Variants in TGM2 observed in about 807,000 individuals in gnomAD.
TGM2 encodes transglutaminase 2, also known as protein-glutamine gamma-glutamyltransferase 2.
TGM2 carries 53 observed loss-of-function variants against 75.6 expected under a neutral mutation model. The observed-to-expected ratio is 0.70, with a 90% CI of 0.56 to 0.88. TGM2 has a LOEUF of 0.88. TGM2 is among the 40% of genes least tolerant of loss of function. The pLI, the probability that TGM2 is intolerant of heterozygous loss-of-function variation, is 0.00. For missense variants in TGM2, 842 were observed against 928.5 expected, an observed-to-expected ratio of 0.91 and a Z score of 1.21; for synonymous variants, 374 against 381.1, an observed-to-expected ratio of 0.98 and a Z score of 0.22.
chr20:38,159,522 AAAAGAAAG>A (rs147642217), intron 2 of TGM2, among the ~76,000 whole-genome samples: 1 of 151,182 alleles, frequency 6.6e-6, no homozygotes, highest in Non-Finnish European at 1.5e-5. Context: ...AAAGTTTTAA[AAAAGAAAG>A]AAAGAAAGAA....
rs1353970893 is a variant in TGM2, at chr20:38,132,201, G to T, written c.1776+139C>A. ...CTTCATGATGCTTTTCTTCGATGAG[G>T]CTAGGATTTGAGGATCGCTAAGGCA... On this transcript the variant is annotated intron_variant, in intron 11 of 12. Coordinates refer to ENST00000361475, the MANE Select transcript of TGM2 (RefSeq NM_004613.4). 20 of 928,246 alleles carry T rather than the reference G, an allele frequency of 2.2e-5. 2 individuals are homozygous for T. In the South Asian group the frequency reaches 2.7e-4, roughly 12 times the overall value. 57.5% of individuals were successfully genotyped at this position (928,246 alleles called of 1,614,324 possible).
chr20:38,159,350 C>A (rs1375740815), intron 2 of TGM2, among the ~76,000 whole-genome samples: 1 of 151,936 alleles, frequency 6.6e-6, no homozygotes, highest in Non-Finnish European at 1.5e-5. Flanking sequence ...CACACTGGGG[C>A]CTCCTTGAGG....
chr20:38,147,091 G>C (rs961131856), intron 5 of TGM2, among the ~76,000 whole-genome samples, 197 bp from the exon 6 acceptor site: 5 of 152,092 alleles, frequency 3.3e-5, no homozygotes, highest in African/African-American at 1.2e-4. Context: ...GGGACAGGAG[G>C]GAGATGGGGA....
intron 4 of TGM2, among the ~76,000 whole-genome samples, chr20:38,150,010 T>C (rs568832042): frequency 6.6e-6 from 1 of 152,308 alleles, no homozygotes; most frequent in East Asian, 1.9e-4. Flanking sequence ...ACCCAGAGGC[T>C]GCTGGGGGAA....
intron 10 of TGM2, among the ~76,000 whole-genome samples, chr20:38,136,166 G>A (rs965759380): frequency 6.6e-6 from 1 of 152,180 alleles, no homozygotes; most frequent in Non-Finnish European, 1.5e-5. Context: ...TGTGCCCAGG[G>A]CGTGCAGCTC....
At chr20:38,138,591 C>G (rs2074930404) in intron 9 of TGM2, among the ~76,000 whole-genome samples, 1 of 152,078 alleles carries the variant, frequency 6.6e-6, no homozygotes, top group East Asian at 1.9e-4. Flanking sequence ...GACTCAACCC[C>G]AAATGACCCC....
At chr20:38,165,890 T>C (rs1047295618), upstream of TGM2, among the ~76,000 whole-genome samples, 45 of 151,686 alleles carry the variant, frequency 3.0e-4, no homozygotes, top group Non-Finnish European at 5.2e-4. Context: ...CACCAGGACA[T>C]AGATACAGCC....
chr20:38,157,780 C>T (rs1346624312), intron 2 of TGM2, among the ~76,000 whole-genome samples: 2 of 152,136 alleles, frequency 1.3e-5, no homozygotes, highest in Non-Finnish European at 1.5e-5. Context: ...TAGAGGGTTC[C>T]GTGAGAGAGT....
At chr20:38,161,327 G>T in intron 2 of TGM2, 93 bp downstream of exon 2, 1 of 1,493,378 alleles carries the variant, frequency 6.7e-7, no homozygotes, top group Non-Finnish European at 9.2e-7. Context: ...AAAGTTATTT[G>T]TCCTGTTCTC....
rs1303320449 is a variant in TGM2, at chr20:38,146,649, A to T, written c.859+68T>A. 5.0e-6 allele frequency: 8 copies of T among 1,587,848 alleles called. No individual in the cohort carries two copies. The African/African-American group carries it at 5.4e-5, about 11-fold the overall frequency. ...GCAGGACCAGGGCAGGGATGTCCTG[A>T]TTCCTACTCCAGTGCTCTTCGTGCC... On this transcript the variant is annotated intron_variant, in intron 6 of 12. Transcript: ENST00000361475.
chr20:38,148,676 C>A (rs1261034843), intron 4 of TGM2, among the ~76,000 whole-genome samples: 2 of 150,802 alleles, frequency 1.3e-5, no homozygotes, highest in African/African-American at 2.4e-5. Context: ...CTCCCATCCC[C>A]TTTTTGACCT....
Position 38,130,774 on chromosome 20 carries a change from T to G in TGM2, c.1913+319A>C, listed in dbSNP as rs567141525. Among the ~76,000 whole-genome samples, 26 of 152,338 alleles carry G rather than the reference T, an allele frequency of 1.7e-4. No homozygotes were observed. The South Asian group carries it at 4.6e-3, about 27-fold the overall frequency. On this transcript the variant is annotated intron_variant, in intron 12 of 12. Coordinates refer to ENST00000361475, the MANE Select transcript of TGM2 (RefSeq NM_004613.4). Reference sequence around the variant, plus strand: ...GTGGAAACACCCACGCATGCATATGTGTGTGCATGCTCATGTGTGGACATT... The same window carrying G: ...GTGGAAACACCCACGCATGCATATGGGTGTGCATGCTCATGTGTGGACATT...
chr20:38,136,615 C>T (rs1042807947), intron 10 of TGM2, among the ~76,000 whole-genome samples: 5 of 152,184 alleles, frequency 3.3e-5, no homozygotes, highest in Admixed American at 6.5e-5. Context: ...TGCCCAAAGA[C>T]GATGTCCTAC....
Position 38,128,585 on chromosome 20 carries a change from G to A in TGM2, c.*1634C>T, listed in dbSNP as rs2074790568. The A allele has an allele frequency of 6.6e-6, 1 of 152,352 alleles. No individual in the cohort carries two copies. The highest frequency in any genetic ancestry group is 1.9e-4 in the East Asian group (1 of 5,188). The allele number at this position is 152,352 out of a possible 1,614,324, so 9.4% of individuals were successfully genotyped here. On this transcript the variant is annotated 3_prime_UTR_variant, in exon 13 of 13. Coordinates refer to ENST00000361475, the MANE Select transcript of TGM2 (RefSeq NM_004613.4). ...GTAGAGAAATAGAGCTCTATGTATA[G>A]AGAAAATATACATGTTGATTAATTG...
chr20:38,141,470 C>T (rs1600491583), intron 7 of TGM2, 85 bp from the exon 8 acceptor site: 6 of 1,036,790 alleles, frequency 5.8e-6, no homozygotes, highest in Non-Finnish European at 8.8e-6. Context: ...GCATTCATGT[C>T]CCCAGATGCA....
Position 38,131,289 on chromosome 20 carries a change from A to C in TGM2, c.1777-60T>G, listed in dbSNP as rs201005677. The C allele has an allele frequency of 7.6e-5, 122 of 1,608,536 alleles. No homozygotes were observed. In the East Asian group the frequency reaches 2.7e-3, roughly 35 times the overall value. ...GTGGGATCCAGGCTGGGCTGTCTGC[A>C]TTCACTGCAATTTGGCCCAATATTT... On this transcript the variant is annotated intron_variant, in intron 11 of 12. Coordinates refer to ENST00000361475, the MANE Select transcript of TGM2 (RefSeq NM_004613.4).
At position 38,148,020 on chromosome 20, in the gene TGM2, C is replaced by G; in HGVS notation, c.622G>C (p.Gly208Arg). 5.0e-6 allele frequency: 8 copies of G among 1,613,184 alleles called. No homozygotes were observed. Among genetic ancestry groups the G allele is most frequent in the Non-Finnish European group, 6.8e-6 (8 of 1,179,750 alleles). The change falls in exon 5 of 13, where the codon GGC (glycine) becomes CGC (arginine). Residue 208 changes from glycine (G) to arginine (R), a missense_variant. Gly to Arg is a moderately radical substitution (Grantham distance 125). Transcript: ENST00000361475. ...CTGCTGCGGCGGGAGCAGTCACGGC[C>G]GGCGTTCTTCAGGAACTTGGGGTTG... ...DVNPKFLKNA[G>R]RDCSRRSSPV...
At chr20:38,135,436 C>CACACACACACACAT (rs2074888164) in intron 10 of TGM2, among the ~76,000 whole-genome samples, 1 of 151,126 alleles carries the variant, frequency 6.6e-6, no homozygotes, top group Non-Finnish European at 1.5e-5. Flanking sequence ...CACACACATA[C>CACACACACACACAT]ACACACACAA....
intron 3 of TGM2, among the ~76,000 whole-genome samples, chr20:38,151,741 T>C (rs1187735625): frequency 2.0e-5 from 3 of 152,210 alleles, no homozygotes; most frequent in Non-Finnish European, 4.4e-5. Flanking sequence ...ATCTGAATGT[T>C]GTCTTAAAAA....
Sources: gnomAD v4.1 joint callset for allele counts (sites outside exome capture counted in the v4.1 genomes callset) on GRCh38, gnomAD v4.1.1 for gene constraint, MANE v1.5 for transcripts, NCBI Gene and HGNC (gene_info 2026-07-23, HGNC 2026-07-21) for gene names.